Variants in GALNT10 observed in about 807,000 individuals in gnomAD.
GALNT10 encodes the protein polypeptide N-acetylgalactosaminyltransferase 10.
In GALNT10, 41 loss-of-function variants were observed where a neutral mutation model predicts 75.0. The ratio of observed to expected loss-of-function variants is 0.55; its 90% CI spans 0.43 to 0.71. The LOEUF (loss-of-function observed/expected upper bound fraction) is 0.71, where lower values mean the gene tolerates loss of function less well. Among genes scored for constraint, GALNT10 ranks in the 30% least tolerant of loss-of-function variants. GALNT10 has a pLI of 0.00. For missense variants in GALNT10, 727 were observed against 818.5 expected (o/e 0.89, Z 1.36); for synonymous variants, 302 against 313.0 (o/e 0.96, Z 0.37).
intron 1 of GALNT10, among the ~76,000 whole-genome samples, chr5:154,265,366 A>G (rs1753762331): frequency 6.6e-6 from 1 of 152,176 alleles, no homozygotes; most frequent in African/African-American, 2.4e-5. Flanking sequence ...CCTGATGCTG[A>G]CAAGGCCTTT....
chr5:154,221,292 AAAT>A (rs1403361395), intron 1 of GALNT10, among the ~76,000 whole-genome samples: 8 of 152,140 alleles, frequency 5.3e-5, no homozygotes, highest in African/African-American at 1.9e-4. Flanking sequence ...TCTTCTCTTA[AAAT>A]AATATTTGCT....
At chr5:154,207,631 C>G (rs1248412685) in intron 1 of GALNT10, among the ~76,000 whole-genome samples, 1 of 152,068 alleles carries the variant, frequency 6.6e-6, no homozygotes, top group East Asian at 1.9e-4. Flanking sequence ...GGAATCCTGA[C>G]CTAAGTCTTT....
chr5:154,334,015 A>G (rs1390491043), intron 4 of GALNT10, among the ~76,000 whole-genome samples: 1 of 152,238 alleles, frequency 6.6e-6, no homozygotes, highest in Admixed American at 6.5e-5. Flanking sequence ...TACGGCAAAT[A>G]TGGACCATCC....
chr5:154,365,087 T>A (rs1221518300), intron 4 of GALNT10, among the ~76,000 whole-genome samples: 2 of 152,232 alleles, frequency 1.3e-5, no homozygotes, highest in African/African-American at 4.8e-5. Flanking sequence ...GGGCTGCCTG[T>A]TTAGATAATA....
intron 8 of GALNT10, among the ~76,000 whole-genome samples, chr5:154,408,341 T>C (rs1257259339): frequency 6.6e-6 from 1 of 152,136 alleles, no homozygotes; most frequent in Non-Finnish European, 1.5e-5. Flanking sequence ...GAGGAAATTT[T>C]AGATTGCAAT....
chr5:154,352,795 C>T lies in GALNT10; in HGVS notation c.568+23057C>T, dbSNP rs1755229657. Among the ~76,000 whole-genome samples the T allele has an allele frequency of 6.6e-6, 1 of 152,210 alleles. No individual in the cohort carries two copies. Among genetic ancestry groups the T allele is most frequent in the Non-Finnish European group, 1.5e-5 (1 of 68,038 alleles). ...TTTAAATTGTGTTAATTGAGCAAAG[C>T]CTTTTGGTTTAAGAAACCTTGACCA... On this transcript the variant is annotated intron_variant, in intron 4 of 11. Coordinates refer to ENST00000297107, the MANE Select transcript of GALNT10 (RefSeq NM_198321.4). The surrounding 1 kb of genome is among the most constrained non-coding windows in gnomAD (Gnocchi z 4.4).
At chr5:154,394,318 TAAAAAA>T (rs5872377) in intron 7 of GALNT10, among the ~76,000 whole-genome samples, 1 of 124,904 alleles carries the variant, frequency 8.0e-6, no homozygotes, top group East Asian at 2.4e-4. Context: ...TGAACAGACT[TAAAAAA>T]AAAAAAAAAA....
chr5:154,297,200 T>A (rs1013910674), intron 2 of GALNT10, among the ~76,000 whole-genome samples: 1 of 152,148 alleles, frequency 6.6e-6, no homozygotes, highest in Non-Finnish European at 1.5e-5. Context: ...CTTCTCCAGA[T>A]GGGTTGTGCA....
intron 1 of GALNT10, among the ~76,000 whole-genome samples, chr5:154,247,046 G>A (rs1256377671): frequency 6.6e-6 from 1 of 152,146 alleles, no homozygotes; most frequent in Non-Finnish European, 1.5e-5. Context: ...AGTTTTCCCA[G>A]CACCATGTAT....
At chr5:154,327,826 T>A (rs1754779453) in intron 3 of GALNT10, among the ~76,000 whole-genome samples, 1 of 152,158 alleles carries the variant, frequency 6.6e-6, no homozygotes, top group Non-Finnish European at 1.5e-5. Flanking sequence ...TAGGCATCGA[T>A]TATCACAAAA....
chr5:154,281,317 T>C (rs1380741874), intron 1 of GALNT10, among the ~76,000 whole-genome samples: 1 of 152,240 alleles, frequency 6.6e-6, no homozygotes, highest in East Asian at 1.9e-4. Context: ...TTTGACACCA[T>C]GGAAATCAGT....
At chr5:154,275,155 G>A (rs1234431357) in intron 1 of GALNT10, among the ~76,000 whole-genome samples, 1 of 152,182 alleles carries the variant, frequency 6.6e-6, no homozygotes, top group African/African-American at 2.4e-5. Context: ...CTTCTATTCA[G>A]TTCATAAACA....
intron 1 of GALNT10, among the ~76,000 whole-genome samples, chr5:154,286,561 T>TAATGAGCTTTCATGCCTTACGTAGCA (rs1754115723): frequency 1.3e-5 from 2 of 152,174 alleles, no homozygotes; most frequent in South Asian, 4.1e-4. Flanking sequence ...AAAAATCTTT[T>TAATGAGCTTTCATGCCTTACGTAGCA]AATGAGCTTT....
chr5:154,411,727 T>G (rs923214379), intron 9 of GALNT10, among the ~76,000 whole-genome samples: 5 of 152,318 alleles, frequency 3.3e-5, no homozygotes, highest in Non-Finnish European at 5.9e-5. Flanking sequence ...GGCTCTTTAC[T>G]AGTTTGTTGG....
At chr5:154,277,337 A>G (rs1187210406) in intron 1 of GALNT10, among the ~76,000 whole-genome samples, 1 of 151,932 alleles carries the variant, frequency 6.6e-6, no homozygotes, top group Non-Finnish European at 1.5e-5. Context: ...AAGGATGAGA[A>G]ATAAGTATGA....
intron 3 of GALNT10, among the ~76,000 whole-genome samples, chr5:154,311,067 T>G (rs1561657684): frequency 1.3e-5 from 2 of 152,216 alleles, no homozygotes; most frequent in African/African-American, 4.8e-5. Flanking sequence ...TATATGGGCA[T>G]CTACTCCCTA....
chr5:154,239,301 G>A (rs935224465), intron 1 of GALNT10, among the ~76,000 whole-genome samples: 3 of 152,154 alleles, frequency 2.0e-5, no homozygotes, highest in Non-Finnish European at 2.9e-5. Flanking sequence ...CACAGTTCAG[G>A]GTCATCACCC....
chr5:154,359,624 T>C (rs1561671312), intron 4 of GALNT10, among the ~76,000 whole-genome samples: 1 of 151,494 alleles, frequency 6.6e-6, no homozygotes, highest in African/African-American at 2.4e-5. Context: ...CCCATCACCC[T>C]ACCAGAGATT....
intron 1 of GALNT10, among the ~76,000 whole-genome samples, chr5:154,200,248 G>A (rs187607100): frequency 3.3e-5 from 5 of 152,302 alleles, no homozygotes; most frequent in Admixed American, 2.0e-4. Context: ...CCCATGTGCC[G>A]CCTGGATGCT....
Sources: gnomAD v4.1 joint callset for allele counts (sites outside exome capture counted in the v4.1 genomes callset) on GRCh38, gnomAD v4.1.1 for gene constraint, Gnocchi (gnomAD v3.1) non-coding constraint, MANE v1.5 for transcripts, NCBI Gene and HGNC (gene_info 2026-07-23, HGNC 2026-07-21) for gene names.